RWDD2A: variants seen among roughly 807,000 people sequenced by gnomAD.
RWDD2A encodes the protein RWD domain containing 2A.
A neutral mutation model predicts 23.1 loss-of-function variants in RWDD2A; 15 were observed. The ratio of observed to expected loss-of-function variants is 0.65; its 90% CI spans 0.43 to 1.00. The LOEUF is 1.00. RWDD2A is among the 50% of genes least tolerant of loss of function. The probability of loss-of-function intolerance (pLI) is 0.00; values close to 1 mark genes in which losing one functional copy is unlikely to be tolerated. For synonymous variants in RWDD2A, 103 were observed against 123.0 expected (o/e 0.84, Z 1.08); for missense variants, 310 against 341.7 (o/e 0.91, Z 0.73).
Position 83,194,358 on chromosome 6 carries a change from C to G in RWDD2A, c.-94C>G. On this transcript the variant is annotated 5_prime_UTR_variant, in exon 2 of 3. Coordinates refer to ENST00000369724, the MANE Select transcript of RWDD2A (RefSeq NM_033411.5). ...GCAGAATTGCTTCCACGTAAAGGGA[C>G]CTTCGGGAAATTTCGCTGGATACCG... 1 of 1,132,608 alleles carries G rather than the reference C, an allele frequency of 8.8e-7. No homozygotes were observed. Among genetic ancestry groups the G allele is most frequent in the Non-Finnish European group, 1.3e-6 (1 of 796,814 alleles). 70.2% of individuals were successfully genotyped at this position (1,132,608 alleles called of 1,614,324 possible).
chr6:83,196,223 A>C lies in RWDD2A; in HGVS notation c.830A>C (p.His277Pro), dbSNP rs977346529. The C allele has an allele frequency of 1.3e-6, 2 of 1,599,318 alleles. No homozygotes were observed. ...TTTCTCAAGAAGCACAAAAGTGAGC[A>C]TGTTTTTCAGATACTATTTGGTATT... is the stretch of plus-strand genomic sequence containing the variant. ...LEFLKKHKSE[H>P]VFQILFGIES... Residue 277 changes from histidine to proline, a missense_variant, in exon 3 of 3, where the codon CAT (histidine) becomes CCT (proline). Physicochemically the swap from His to Pro is moderately conservative, Grantham distance 77. Transcript: ENST00000369724.
chr6:83,196,274 A>G lies in RWDD2A; in HGVS notation c.*2A>G. 1 of 1,537,434 alleles carries G rather than the reference A, an allele frequency of 6.5e-7. No individual in the cohort carries two copies. The highest frequency in any genetic ancestry group is 1.4e-5 in the African/African-American group (1 of 72,254). ...GAAAGCAAAAGTTCAGACTCATAAA[A>G]AGCGATTAAGAGGCCTATGCCTGTA... On this transcript the variant is annotated 3_prime_UTR_variant, in exon 3 of 3. Coordinates refer to ENST00000369724, the MANE Select transcript of RWDD2A (RefSeq NM_033411.5).
chr6:83,197,834 C>G lies in RWDD2A; in HGVS notation c.*1562C>G, dbSNP rs1789651446. On this transcript the variant is annotated 3_prime_UTR_variant, in exon 3 of 3. Coordinates refer to ENST00000369724, the MANE Select transcript of RWDD2A (RefSeq NM_033411.5). ...TCCCAAGGAGGTGTTAGAACTGGGT[C>G]CACTTTGTACTGCCTCTTTCTTCTT... 1 of 152,306 alleles carries G rather than the reference C, an allele frequency of 6.6e-6. No homozygotes were observed. The highest frequency in any genetic ancestry group is 2.4e-5 in the African/African-American group (1 of 41,448). The allele number at this position is 152,306 out of a possible 1,614,324, so 9.4% of individuals were successfully genotyped here. A position where few individuals can be genotyped will look rare whatever the true frequency, so the allele number is the denominator to read the frequency against.
chr6:83,196,186 CA>C lies in RWDD2A; in HGVS notation c.795del (p.Gln265HisfsTer3). The C allele has an allele frequency of 6.2e-7, 1 of 1,610,140 alleles. No individual in the cohort carries two copies. The highest frequency in any genetic ancestry group is 8.5e-7 in the Non-Finnish European group (1 of 1,178,756). Reference protein sequence around the residue: ...LRNDYHMNLGQFLEFLKKHKS... With the variant: ...LRNDYHMNLGXFLEFLKKHKS... ...GAATGACTATCACATGAATCTGGGC[CA>C]ATTCTTAGAATTTCTCAAGAAGCAC... On this transcript the variant is annotated frameshift_variant, in exon 3 of 3. Transcript: ENST00000369724. LOFTEE classifies it high-confidence loss of function.
At position 83,196,445 on chromosome 6, in the gene RWDD2A, T is replaced by C. The variant is rs958722546; in HGVS notation, c.*173T>C. 1.3e-4 allele frequency: 56 copies of C among 420,588 alleles called. No individual in the cohort carries two copies. Among genetic ancestry groups the C allele is most frequent in the African/African-American group, 1.1e-3 (55 of 49,232 alleles). The allele number at this position is 420,588 out of a possible 1,614,324, so 26.1% of individuals were successfully genotyped here. On this transcript the variant is annotated 3_prime_UTR_variant, in exon 3 of 3. Coordinates refer to ENST00000369724, the MANE Select transcript of RWDD2A (RefSeq NM_033411.5). ...GTGAAATGAATAGGCCTTTAAACTT[T>C]ATAACATTGCAATTGTGATGTTATC...
Position 83,198,544 on chromosome 6 carries a change from C to G in RWDD2A, c.*2272C>G, listed in dbSNP as rs1012736109. Reference sequence around the variant, plus strand: ...CTGATATGAGCACATAATAAAAGTCCGTCATTCCCCAACCCCCTCCCCCTA... The same window carrying G: ...CTGATATGAGCACATAATAAAAGTCGGTCATTCCCCAACCCCCTCCCCCTA... On this transcript the variant is annotated 3_prime_UTR_variant, in exon 3 of 3. Coordinates refer to ENST00000369724, the MANE Select transcript of RWDD2A (RefSeq NM_033411.5). 6.6e-6 allele frequency: 1 copy of G among 151,516 alleles called. No homozygotes were observed. Among genetic ancestry groups the G allele is most frequent in the African/African-American group, 2.4e-5 (1 of 41,196 alleles). 9.4% of individuals were successfully genotyped at this position (151,516 alleles called of 1,614,324 possible). A position where few individuals can be genotyped will look rare whatever the true frequency, so the allele number is the denominator to read the frequency against.
intron 2 of RWDD2A, 124 bp from the exon 3 acceptor site, chr6:83,195,471 T>C (rs1789541900): frequency 3.9e-6 from 3 of 760,290 alleles, no homozygotes; most frequent in Admixed American, 2.9e-5. Flanking sequence ...GAAGCAATCA[T>C]GTATGTAAAG....
At position 83,196,237 on chromosome 6, in the gene RWDD2A, C is replaced by A; in HGVS notation, c.844C>A (p.Leu282Ile). The change falls in exon 3 of 3, where the codon CTA becomes ATA. Residue 282 changes from leucine to isoleucine, a missense_variant. By Grantham distance (5) the Leu-to-Ile change is conservative (BLOSUM62 2). Transcript: ENST00000369724. Reference protein sequence around the residue: ...KHKSEHVFQILFGIESKSSDS With the variant: ...KHKSEHVFQIIFGIESKSSDS ...CAAAAGTGAGCATGTTTTTCAGATA[C>A]TATTTGGTATTGAAAGCAAAAGTTC... 6.3e-7 allele frequency: 1 copy of A among 1,586,558 alleles called. No individual in the cohort carries two copies. The highest frequency in any genetic ancestry group is 1.2e-5 in the South Asian group (1 of 85,630).
At chr6:83,195,443 TG>T (rs1343606059) in intron 2 of RWDD2A, 151 bp from the exon 3 acceptor site, 2 of 669,762 alleles carry the variant, frequency 3.0e-6, no homozygotes, top group African/African-American at 3.6e-5. Context: ...CAATAAATAT[TG>T]AAATAATGCA....
Position 83,194,447 on chromosome 6 carries a change from G to A in RWDD2A, c.-5G>A, listed in dbSNP as rs1220048969. ...GGTTTCCAGGCAGGCTGATTGCGAGGCAACATGTCTGCTTCGGTGAAAGAA... is the reference window on the plus strand; with the variant it reads ...GGTTTCCAGGCAGGCTGATTGCGAGACAACATGTCTGCTTCGGTGAAAGAA... On this transcript the variant is annotated 5_prime_UTR_variant, in exon 2 of 3. Transcript: ENST00000369724. 3 of 1,613,278 alleles carry A rather than the reference G, an allele frequency of 1.9e-6. No homozygotes were observed. Among genetic ancestry groups the A allele is most frequent in the Admixed American group, 1.7e-5 (1 of 59,910 alleles).
chr6:83,196,677 C>T lies in RWDD2A; in HGVS notation c.*405C>T, dbSNP rs1789602769. On this transcript the variant is annotated 3_prime_UTR_variant, in exon 3 of 3. Transcript: ENST00000369724. ...ACATGTGACACACCCACTTGTCTTT[C>T]ATTATTGGAAATCTAAATCAAGTTT... 6.5e-6 allele frequency: 1 copy of T among 152,710 alleles called. No individual in the cohort carries two copies. The highest frequency in any genetic ancestry group is 1.5e-5 in the Non-Finnish European group (1 of 68,432). The allele number at this position is 152,710 out of a possible 1,614,324, so 9.5% of individuals were successfully genotyped here. A position where few individuals can be genotyped will look rare whatever the true frequency, so the allele number is the denominator to read the frequency against.
In RWDD2A at chr6:83,198,519, C is replaced by G. The variant is rs958235186; in HGVS notation, c.*2247C>G. On this transcript the variant is annotated 3_prime_UTR_variant, in exon 3 of 3. Transcript: ENST00000369724. ...GGAGTCTGCTGGTTGTTTGCACAGC[C>G]TGATATGAGCACATAATAAAAGTCC... The G allele has an allele frequency of 3.9e-5, 6 of 152,164 alleles. No individual in the cohort carries two copies. Among genetic ancestry groups the G allele is most frequent in the African/African-American group, 1.4e-4 (6 of 41,406 alleles). 9.4% of individuals were successfully genotyped at this position (152,164 alleles called of 1,614,324 possible).
In RWDD2A at chr6:83,197,314, A is replaced by G. The variant is rs938189624; in HGVS notation, c.*1042A>G. On this transcript the variant is annotated 3_prime_UTR_variant, in exon 3 of 3. Transcript: ENST00000369724. The stretch of plus-strand genomic sequence containing the variant: ...GGGGACCAGTGTGGATATCTGCATC[A>G]TTACCTTATTGGGAAAAAAAAAATC... 1 of 152,182 alleles carries G rather than the reference A, an allele frequency of 6.6e-6. No homozygotes were observed. Among genetic ancestry groups the G allele is most frequent in the Non-Finnish European group, 1.5e-5 (1 of 68,040 alleles). The allele number at this position is 152,182 out of a possible 1,614,324, so 9.4% of individuals were successfully genotyped here. A position where few individuals can be genotyped will look rare whatever the true frequency, so the allele number is the denominator to read the frequency against.
At position 83,197,535 on chromosome 6, in the gene RWDD2A, GTC is replaced by G. The variant is rs546877858; in HGVS notation, c.*1265_*1266del. 6 of 152,320 alleles carry G rather than the reference GTC, an allele frequency of 3.9e-5. No homozygotes were observed. In the East Asian group the frequency reaches 1.2e-3, roughly 29 times the overall value. 9.4% of individuals were successfully genotyped at this position (152,320 alleles called of 1,614,324 possible). ...CTGCGAGTCTCATGTGCTAAGAGAT[GTC>G]TTGAGCAGCCTCTGCAGCTTTCCGT... is the stretch of plus-strand genomic sequence containing the variant. On this transcript the variant is annotated 3_prime_UTR_variant, in exon 3 of 3. Transcript: ENST00000369724.
At position 83,196,145 on chromosome 6, in the gene RWDD2A, G is replaced by T; in HGVS notation, c.752G>T (p.Gly251Val). The T allele has an allele frequency of 6.2e-7, 1 of 1,614,072 alleles. No individual in the cohort carries two copies. Among genetic ancestry groups the T allele is most frequent in the Non-Finnish European group, 8.5e-7 (1 of 1,179,982 alleles). ...SFEELLLEAHGDYGLRNDYHM... is the reference protein window; with the variant it reads ...SFEELLLEAHVDYGLRNDYHM... ...GAAGAGTTACTCCTTGAGGCTCATG[G>T]TGACTATGGATTAAGGAATGACTAT... is the stretch of plus-strand genomic sequence containing the variant. Residue 251 changes from glycine (G) to valine (V), a missense_variant, in exon 3 of 3, where the codon GGT (glycine) becomes GTT (valine). By Grantham distance (109) the Gly-to-Val change is moderately radical (BLOSUM62 -3). Coordinates refer to ENST00000369724, the MANE Select transcript of RWDD2A (RefSeq NM_033411.5).
chr6:83,196,182 G>A lies in RWDD2A; in HGVS notation c.789G>A (p.Leu263=). ...YGLRNDYHMN[L]GQFLEFLKKH... ...TAAGGAATGACTATCACATGAATCT[G>A]GGCCAATTCTTAGAATTTCTCAAGA... is the stretch of plus-strand genomic sequence containing the variant. Residue 263 remains leucine (L), a synonymous_variant, in exon 3 of 3, where the codon CTG becomes CTA. Transcript: ENST00000369724. 5 of 1,610,716 alleles carry A rather than the reference G, an allele frequency of 3.1e-6. No homozygotes were observed. Among genetic ancestry groups the A allele is most frequent in the Non-Finnish European group, 4.2e-6 (5 of 1,178,974 alleles).
In RWDD2A at chr6:83,196,348, A is replaced by G. The variant is rs939470278; in HGVS notation, c.*76A>G. On this transcript the variant is annotated 3_prime_UTR_variant, in exon 3 of 3. Coordinates refer to ENST00000369724, the MANE Select transcript of RWDD2A (RefSeq NM_033411.5). Reference sequence around the variant, plus strand: ...TTAATAAGACCAAATTAAAAAGGCTAGTGGCTGTGTAGCATCCTCAGTGCA... The same window carrying G: ...TTAATAAGACCAAATTAAAAAGGCTGGTGGCTGTGTAGCATCCTCAGTGCA... The G allele has an allele frequency of 1.1e-5, 14 of 1,272,930 alleles. No individual in the cohort carries two copies. The Admixed American group carries it at 2.1e-4, about 19-fold the overall frequency. The allele number at this position is 1,272,930 out of a possible 1,614,324, so 78.9% of individuals were successfully genotyped here. A position where few individuals can be genotyped will look rare whatever the true frequency, so the allele number is the denominator to read the frequency against.
rs1344214837 is a variant in RWDD2A, at chr6:83,197,682, C to T, written c.*1410C>T. ...GGAACACATCCTGTTAGATGTCAGA[C>T]AGTGCTGCTTGTGCTGGGGAGCCTA... is the stretch of plus-strand genomic sequence containing the variant. On this transcript the variant is annotated 3_prime_UTR_variant, in exon 3 of 3. Transcript: ENST00000369724. 1 of 152,330 alleles carries T rather than the reference C, an allele frequency of 6.6e-6. No individual in the cohort carries two copies. The highest frequency in any genetic ancestry group is 1.5e-5 in the Non-Finnish European group (1 of 68,136). 9.4% of individuals were successfully genotyped at this position (152,330 alleles called of 1,614,324 possible). A position where few individuals can be genotyped will look rare whatever the true frequency, so the allele number is the denominator to read the frequency against.
Position 83,196,869 on chromosome 6 carries a change from G to A in RWDD2A, c.*597G>A, listed in dbSNP as rs1789609230. Reference sequence around the variant, plus strand: ...CGCCCAGCTAATTGTTATATTTTTAGTAGAGACAGGGTTTCATCATGTTGG... The same window carrying A: ...CGCCCAGCTAATTGTTATATTTTTAATAGAGACAGGGTTTCATCATGTTGG... On this transcript the variant is annotated 3_prime_UTR_variant, in exon 3 of 3. Transcript: ENST00000369724. 1 of 152,144 alleles carries A rather than the reference G, an allele frequency of 6.6e-6. No individual in the cohort carries two copies. The highest frequency in any genetic ancestry group is 2.4e-5 in the African/African-American group (1 of 41,428). The allele number at this position is 152,144 out of a possible 1,614,324, so 9.4% of individuals were successfully genotyped here.
Sources: gnomAD v4.1 joint callset for allele counts on GRCh38, gnomAD v4.1.1 for gene constraint, MANE v1.5 for transcripts, NCBI Gene and HGNC (gene_info 2026-07-23, HGNC 2026-07-21) for gene names.